Variants in LMBR1 observed in about 807,000 individuals in gnomAD.
LMBR1 encodes limb development membrane protein 1.
Under a neutral mutation model 73.9 loss-of-function variants are expected in LMBR1, and 52 were observed. The observed-to-expected ratio is 0.70, with a 90% CI of 0.56 to 0.89. The LOEUF is 0.89. Among genes scored for constraint, LMBR1 ranks in the 40% least tolerant of loss-of-function variants. The pLI is 0.00. For synonymous variants in LMBR1, 215 were observed against 209.4 expected (o/e 1.03, Z -0.23); for missense variants, 539 against 579.8 (o/e 0.93, Z 0.72).
chr7:156,685,129 CA>C lies in LMBR1; in HGVS notation c.1388-967del, dbSNP rs767813314. Among the ~76,000 whole-genome samples the C allele has an allele frequency of 1.3e-5, 2 of 151,982 alleles. No individual in the cohort carries two copies. The highest frequency in any genetic ancestry group is 2.9e-5 in the Non-Finnish European group (2 of 67,966). On this transcript the variant is annotated intron_variant, in intron 16 of 16. Coordinates refer to ENST00000353442, the MANE Select transcript of LMBR1 (RefSeq NM_022458.4). The surrounding 1 kb of genome is among the most constrained non-coding windows in gnomAD (Gnocchi z 4.1). ...TGAACATAAATAATATCTCACTACCCAAAGGTATTTCACAGAATAAAAAACT... is the reference window on the plus strand; with the variant it reads ...TGAACATAAATAATATCTCACTACCCAAGGTATTTCACAGAATAAAAAACT...
intron 5 of LMBR1, among the ~76,000 whole-genome samples, chr7:156,772,540 C>A (rs10249290): frequency 0.092 from 13,964 of 152,106 alleles, 711 homozygotes; most frequent in East Asian, 0.15. Flanking sequence ...CTGGCCAGAG[C>A]AATCTGGCAA....
intron 4 of LMBR1, among the ~76,000 whole-genome samples, chr7:156,815,573 T>C (rs186051515): frequency 3.9e-5 from 6 of 152,296 alleles, no homozygotes; most frequent in African/African-American, 7.2e-5. Context: ...CCCTGTATCA[T>C]ACAGTTTCCC....
chr7:156,720,990 C>T (rs2132323588), intron 15 of LMBR1, among the ~76,000 whole-genome samples: 1 of 152,050 alleles, frequency 6.6e-6, no homozygotes, highest in South Asian at 2.1e-4. Flanking sequence ...AAGGTCCCTT[C>T]ATCAAGAAGC....
At chr7:156,740,239 G>T (rs1818649719) in intron 9 of LMBR1, among the ~76,000 whole-genome samples, 1 of 152,036 alleles carries the variant, frequency 6.6e-6, no homozygotes, top group Non-Finnish European at 1.5e-5. Flanking sequence ...AATGAAGCAT[G>T]CCTACGATAG....
chr7:156,829,145 G>A (rs1039856051), intron 3 of LMBR1, among the ~76,000 whole-genome samples: 8 of 152,342 alleles, frequency 5.3e-5, no homozygotes, highest in African/African-American at 1.2e-4. Flanking sequence ...AAAGGCTCTC[G>A]TGCCCCTTTA....
At chr7:156,763,580 G>T in intron 6 of LMBR1, 89 bp downstream of exon 6, 1 of 1,144,570 alleles carries the variant, frequency 8.7e-7, no homozygotes, top group Non-Finnish European at 1.2e-6. Context: ...ACTACACAAA[G>T]ATTTAAATGT....
At chr7:156,849,803 C>T (rs117414980) in intron 1 of LMBR1, among the ~76,000 whole-genome samples, 209 of 152,170 alleles carry the variant, frequency 1.4e-3, no homozygotes, top group Non-Finnish European at 1.8e-3. Flanking sequence ...TGTACACCAC[C>T]AGAGTGAACA....
Position 156,682,097 on chromosome 7 carries a change from G to C in LMBR1, c.*1981C>G, listed in dbSNP as rs1356695814. 1 of 152,276 alleles carries C rather than the reference G, an allele frequency of 6.6e-6. No individual in the cohort carries two copies. Among genetic ancestry groups the C allele is most frequent in the East Asian group, 1.9e-4 (1 of 5,206 alleles). 9.4% of individuals were successfully genotyped at this position (152,276 alleles called of 1,614,324 possible). On this transcript the variant is annotated 3_prime_UTR_variant, in exon 17 of 17. Transcript: ENST00000353442. ...CCCATGCATATCCTTTGCTTCAACAGCAGTGAGGATGCCTCCAGGAAGTGT... is the reference window on the plus strand; with the variant it reads ...CCCATGCATATCCTTTGCTTCAACACCAGTGAGGATGCCTCCAGGAAGTGT...
At chr7:156,886,565 C>A (rs560286912) in intron 1 of LMBR1, among the ~76,000 whole-genome samples, 1 of 152,222 alleles carries the variant, frequency 6.6e-6, no homozygotes, top group Non-Finnish European at 1.5e-5. Context: ...GAGAAAGTTA[C>A]TGAAATCAGT....
intron 1 of LMBR1, among the ~76,000 whole-genome samples, chr7:156,867,610 T>C (rs549366621): frequency 6.6e-6 from 1 of 152,332 alleles, no homozygotes; most frequent in East Asian, 1.9e-4. Flanking sequence ...TGCTACAACA[T>C]GGCTAAACTT....
intron 9 of LMBR1, among the ~76,000 whole-genome samples, chr7:156,744,184 C>T (rs77643653): frequency 0.032 from 4,839 of 152,122 alleles, 105 homozygotes; most frequent in Non-Finnish European, 0.045. Context: ...ACTACAGGTG[C>T]GTGCCGCCAC....
intron 4 of LMBR1, among the ~76,000 whole-genome samples, chr7:156,809,555 T>G (rs1452743131): frequency 6.6e-6 from 1 of 152,214 alleles, no homozygotes; most frequent in Non-Finnish European, 1.5e-5. Flanking sequence ...TATACTATAT[T>G]GTTTAGGGAA....
intron 1 of LMBR1, among the ~76,000 whole-genome samples, chr7:156,863,819 T>C (rs570954794): frequency 2.0e-5 from 3 of 152,316 alleles, no homozygotes; most frequent in African/African-American, 7.2e-5. Context: ...AGCTTTTTAA[T>C]TTTAGTATGA....
intron 9 of LMBR1, among the ~76,000 whole-genome samples, chr7:156,751,030 A>C (rs1165448207): frequency 6.6e-6 from 1 of 152,170 alleles, no homozygotes; most frequent in Non-Finnish European, 1.5e-5. Context: ...CGATCACCTG[A>C]GCCCGGGAGG....
chr7:156,707,651 T>A (rs1050437121), intron 15 of LMBR1, among the ~76,000 whole-genome samples: 2 of 152,190 alleles, frequency 1.3e-5, no homozygotes, highest in African/African-American at 4.8e-5. Flanking sequence ...AGAAAAAGCA[T>A]GTGATAACTT....
At chr7:156,785,677 G>T (rs1227932108) in intron 5 of LMBR1, among the ~76,000 whole-genome samples, 3 of 152,144 alleles carry the variant, frequency 2.0e-5, no homozygotes, top group Non-Finnish European at 2.9e-5. Context: ...CTCCATACCT[G>T]TAGAATAAAT....
intron 5 of LMBR1, among the ~76,000 whole-genome samples, chr7:156,766,097 G>A (rs1824024593): frequency 6.6e-6 from 1 of 152,038 alleles, no homozygotes; most frequent in Admixed American, 6.6e-5. Flanking sequence ...GTTTTCTTCA[G>A]GTATGTGCCT....
At chr7:156,709,176 G>C (rs1811580685) in intron 15 of LMBR1, among the ~76,000 whole-genome samples, 1 of 152,130 alleles carries the variant, frequency 6.6e-6, no homozygotes, top group Non-Finnish European at 1.5e-5. Flanking sequence ...GGCCAACTTG[G>C]GGCAAGCTTA....
chr7:156,750,254 T>A, intron 9 of LMBR1, among the ~76,000 whole-genome samples: 1 of 152,124 alleles, frequency 6.6e-6, no homozygotes, highest in East Asian at 1.9e-4. Flanking sequence ...GCCGTTGCAT[T>A]ACTTAAACAT....
Sources: gnomAD v4.1 joint callset for allele counts (sites outside exome capture counted in the v4.1 genomes callset) on GRCh38, gnomAD v4.1.1 for gene constraint, Gnocchi (gnomAD v3.1) non-coding constraint, MANE v1.5 for transcripts, NCBI Gene and HGNC (gene_info 2026-07-23, HGNC 2026-07-21) for gene names.